ROBO1: variants seen among roughly 807,000 people sequenced by gnomAD.
ROBO1 encodes roundabout homolog 1.
In ROBO1, 149 loss-of-function variants were observed where a neutral mutation model predicts 195.9. The ratio of observed to expected loss-of-function variants is 0.76; its 90% CI spans 0.67 to 0.87. The LOEUF (loss-of-function observed/expected upper bound fraction) is 0.87, where lower values mean the gene tolerates loss of function less well. ROBO1 is among the 40% of genes least tolerant of loss of function. The pLI is 0.00. For missense variants in ROBO1, 1,933 were observed against 2,068.3 expected (o/e 0.93, Z 1.27); for synonymous variants, 816 against 733.2 (o/e 1.11, Z -1.82).
At position 79,615,650 on chromosome 3, in the gene ROBO1, T is replaced by TC. The variant is rs751739329; in HGVS notation, c.-50-25690dup. On this transcript the variant is annotated intron_variant, in intron 1 of 30. Coordinates refer to ENST00000464233, the MANE Select transcript of ROBO1 (RefSeq NM_002941.4). ...GATTCACACTACCTGATTTCAAGGT[T>TC]CAAACATGAAGACAGGCTATATTGG... is the stretch of plus-strand genomic sequence containing the variant. Among the ~76,000 whole-genome samples the TC allele has an allele frequency of 6.8e-4, 103 of 152,228 alleles. 1 individual carries two copies. Among genetic ancestry groups the TC allele is most frequent in the Non-Finnish European group, 1.3e-3 (89 of 68,014 alleles).
chr3:79,249,333 C>T lies in ROBO1; in HGVS notation c.89-123794G>A, dbSNP rs149378910. Among the ~76,000 whole-genome samples, 1,367 of 152,242 alleles carry T rather than the reference C, an allele frequency of 9.0e-3. 19 individuals carry two copies. The highest frequency in any genetic ancestry group is 0.031 in the African/African-American group (1,290 of 41,538). ...TTGTCTGAGAAAGACAGAGTATATGCCTAATTCCTGACTTAATTATGAACG... is the reference window on the plus strand; with the variant it reads ...TTGTCTGAGAAAGACAGAGTATATGTCTAATTCCTGACTTAATTATGAACG... On this transcript the variant is annotated intron_variant, in intron 2 of 30. Transcript: ENST00000464233.
chr3:79,670,365 T>C (rs1946597270), intron 1 of ROBO1, among the ~76,000 whole-genome samples: 1 of 151,832 alleles, frequency 6.6e-6, no homozygotes, highest in African/African-American at 2.4e-5. Flanking sequence ...TGGTCTTTTA[T>C]ATGAAATTGC....
intron 5 of ROBO1, among the ~76,000 whole-genome samples, chr3:78,724,351 T>C (rs1296632726): frequency 1.3e-5 from 2 of 151,668 alleles, no homozygotes; most frequent in Non-Finnish European, 2.9e-5. Context: ...GAATATAACA[T>C]ACCCACTTTC....
At chr3:79,469,276 T>C (rs73129041) in intron 2 of ROBO1, among the ~76,000 whole-genome samples, 2,994 of 152,218 alleles carry the variant, frequency 0.02, 54 homozygotes, top group Non-Finnish European at 0.033. Flanking sequence ...AAAATCAATA[T>C]GTAGGTTAAT....
At chr3:78,606,634 C>T in intron 29 of ROBO1, 99 bp downstream of exon 29, 1 of 1,250,188 alleles carries the variant, frequency 8.0e-7, no homozygotes, top group Non-Finnish European at 1.1e-6. Flanking sequence ...GAGCAAACTT[C>T]TTAATCTTAC....
At chr3:79,686,211 G>C (rs544617998) in intron 1 of ROBO1, among the ~76,000 whole-genome samples, 1 of 152,176 alleles carries the variant, frequency 6.6e-6, no homozygotes, top group Non-Finnish European at 1.5e-5. Context: ...GGTATTGATG[G>C]GACATATCTC....
chr3:79,403,394 C>G (rs2037434577), intron 2 of ROBO1, among the ~76,000 whole-genome samples: 2 of 151,946 alleles, frequency 1.3e-5, no homozygotes, highest in African/African-American at 4.8e-5. Flanking sequence ...CAAGTTATAG[C>G]AGTGATATAT....
At chr3:79,197,582 T>A (rs2081663210) in intron 2 of ROBO1, among the ~76,000 whole-genome samples, 1 of 152,078 alleles carries the variant, frequency 6.6e-6, no homozygotes, top group South Asian at 2.1e-4. Flanking sequence ...TCAAATGGAA[T>A]TTCTAGTTCT....
intron 3 of ROBO1, among the ~76,000 whole-genome samples, chr3:79,090,173 C>T (rs934580847): frequency 3.9e-5 from 6 of 151,902 alleles, no homozygotes; most frequent in African/African-American, 1.4e-4. Flanking sequence ...CTCCTGACCT[C>T]GTGATCCACC....
intron 3 of ROBO1, among the ~76,000 whole-genome samples, chr3:79,074,125 T>C (rs978864486): frequency 6.6e-6 from 1 of 151,800 alleles, no homozygotes; most frequent in Non-Finnish European, 1.5e-5. Flanking sequence ...CACAGAATTA[T>C]ATTTCTTGGG....
At chr3:79,579,722 C>T (rs985533203) in intron 2 of ROBO1, among the ~76,000 whole-genome samples, 3 of 152,002 alleles carry the variant, frequency 2.0e-5, no homozygotes, top group African/African-American at 7.2e-5. Context: ...AGTAACACAA[C>T]TTTTTACAGT....
intron 2 of ROBO1, among the ~76,000 whole-genome samples, chr3:79,554,768 T>A (rs1354669864): frequency 6.6e-6 from 1 of 152,098 alleles, no homozygotes. Flanking sequence ...TCAGAAGAAG[T>A]ATGTGTTAAT....
chr3:78,777,728 G>A (rs1245021060), intron 4 of ROBO1, among the ~76,000 whole-genome samples: 1 of 152,170 alleles, frequency 6.6e-6, no homozygotes, highest in Non-Finnish European at 1.5e-5. Flanking sequence ...CTTTGCTGAA[G>A]TTGCTTATTG....
intron 1 of ROBO1, among the ~76,000 whole-genome samples, chr3:79,713,507 T>C (rs996452428): frequency 1.3e-5 from 2 of 152,084 alleles, no homozygotes; most frequent in African/African-American, 2.4e-5. Flanking sequence ...TAAGCCTTCA[T>C]TGGAGGTAGT....
intron 23 of ROBO1, among the ~76,000 whole-genome samples, chr3:78,635,171 C>T (rs761538345): frequency 2.0e-4 from 31 of 152,138 alleles, no homozygotes; most frequent in Admixed American, 1.3e-3. Flanking sequence ...TACTATTCTG[C>T]GGCTTCAAGT....
chr3:78,678,811 C>T (rs1326986551), intron 10 of ROBO1, among the ~76,000 whole-genome samples: 1 of 152,172 alleles, frequency 6.6e-6, no homozygotes, highest in South Asian at 2.1e-4. Flanking sequence ...GGGAATCCTC[C>T]CTAACTCATT....
chr3:78,979,594 T>C (rs1245365170), intron 3 of ROBO1, among the ~76,000 whole-genome samples: 3 of 152,196 alleles, frequency 2.0e-5, no homozygotes, highest in Non-Finnish European at 4.4e-5. Context: ...TATAAATTGA[T>C]GACTGTTTTT....
intron 4 of ROBO1, among the ~76,000 whole-genome samples, chr3:78,762,717 CA>C (rs1374200393): frequency 6.6e-6 from 1 of 151,980 alleles, no homozygotes; most frequent in Non-Finnish European, 1.5e-5. Context: ...AAATCAGTTA[CA>C]TTTAATTTTT....
intron 2 of ROBO1, among the ~76,000 whole-genome samples, chr3:79,134,922 A>T (rs2080371101): frequency 7.6e-6 from 1 of 131,524 alleles, no homozygotes; most frequent in Admixed American, 7.8e-5. Flanking sequence ...TAGCATTGGG[A>T]GATATACCTA....
Sources: gnomAD v4.1 joint callset for allele counts (sites outside exome capture counted in the v4.1 genomes callset) on GRCh38, gnomAD v4.1.1 for gene constraint, MANE v1.5 for transcripts, NCBI Gene and HGNC (gene_info 2026-07-23, HGNC 2026-07-21) for gene names.